DCDC2: variants seen among roughly 807,000 people sequenced by gnomAD.
DCDC2 encodes doublecortin domain-containing protein 2.
DCDC2 carries 40 observed loss-of-function variants against 50.2 expected under a neutral mutation model. That is an observed-to-expected ratio of 0.80 (90% confidence interval 0.62 to 1.04). DCDC2 has a LOEUF of 1.04. Among genes scored for constraint, DCDC2 ranks in the 50% least tolerant of loss-of-function variants. The pLI is 0.00. For synonymous variants in DCDC2, 234 were observed against 210.6 expected (o/e 1.11, Z -0.96); for missense variants, 570 against 581.9 (o/e 0.98, Z 0.21).
intron 9 of DCDC2, among the ~76,000 whole-genome samples, chr6:24,176,966 A>C (rs1262491157): frequency 2.0e-5 from 3 of 152,244 alleles, no homozygotes; most frequent in Non-Finnish European, 4.4e-5. Flanking sequence ...TATTTATGGA[A>C]GATGGAAGGA....
chr6:24,349,474 A>T (rs1760324489), intron 2 of DCDC2, among the ~76,000 whole-genome samples: 1 of 152,210 alleles, frequency 6.6e-6, no homozygotes, highest in African/African-American at 2.4e-5. Context: ...GGTAGGGGCA[A>T]GAGTAAGTGC....
the DCDC2 span, among the ~76,000 whole-genome samples, chr6:24,371,065 CAGG>C: frequency 9.2e-5 from 14 of 152,106 alleles, no homozygotes; most frequent in South Asian, 2.1e-4. Flanking sequence ...CACCTGAGGT[CAGG>C]AGTTCAAGAC....
At chr6:24,271,604 C>A (rs1316405684) in intron 7 of DCDC2, among the ~76,000 whole-genome samples, 1 of 152,156 alleles carries the variant, frequency 6.6e-6, no homozygotes, top group Non-Finnish European at 1.5e-5. Context: ...CTGGCCTACA[C>A]CAGTAATTCA....
chr6:24,234,888 A>C (rs1762410649), intron 7 of DCDC2, among the ~76,000 whole-genome samples: 1 of 152,166 alleles, frequency 6.6e-6, no homozygotes, highest in Non-Finnish European at 1.5e-5. Flanking sequence ...TACCACATAG[A>C]TAGCACACTT....
chr6:24,357,696 C>T lies in DCDC2; in HGVS notation c.55G>A (p.Val19Met), dbSNP rs1350223684. The change falls in exon 1 of 10, where the codon GTG becomes ATG. Residue 19 changes from valine (V) to methionine (M), a missense_variant. Transcript: ENST00000378454. Reference protein sequence around the residue: ...SHLSQPVVKSVLVYRNGDPFY... With the variant: ...SHLSQPVVKSMLVYRNGDPFY... ...GGGTCCCCGTTGCGGTACACAAGCA[C>T]GCTCTTCACGACGGGCTGAGACAGG... The T allele has an allele frequency of 1.2e-6, 2 of 1,613,282 alleles. No individual in the cohort carries two copies. Among genetic ancestry groups the T allele is most frequent in the Non-Finnish European group, 1.7e-6 (2 of 1,180,016 alleles).
intron 2 of DCDC2, among the ~76,000 whole-genome samples, chr6:24,351,623 C>G (rs1561784792): frequency 1.3e-5 from 2 of 152,254 alleles, no homozygotes; most frequent in East Asian, 3.9e-4. Context: ...GAAAGAGATG[C>G]AGTCTTTCAT....
chr6:24,298,724 C>T (rs1236479045), intron 4 of DCDC2, among the ~76,000 whole-genome samples: 1 of 152,106 alleles, frequency 6.6e-6, no homozygotes, highest in Non-Finnish European at 1.5e-5. Context: ...ACTATTTTCA[C>T]GCAACATGAG....
At chr6:24,378,254 C>T in the DCDC2 span, among the ~76,000 whole-genome samples, 1 of 152,192 alleles carries the variant, frequency 6.6e-6, no homozygotes, top group Non-Finnish European at 1.5e-5. Flanking sequence ...GGCTTCCATT[C>T]GGCACTTGTG....
chr6:24,288,252 C>T (rs75712511), intron 6 of DCDC2, among the ~76,000 whole-genome samples: 9,921 of 152,252 alleles, frequency 0.065, 546 homozygotes, highest in African/African-American at 0.16. Context: ...GCCAAGGCAA[C>T]GCTCTGGCAT....
chr6:24,264,324 A>C (rs932888720), intron 7 of DCDC2, among the ~76,000 whole-genome samples: 3 of 152,224 alleles, frequency 2.0e-5, no homozygotes, highest in African/African-American at 7.2e-5. Context: ...TAAGTAGGCA[A>C]ACACAGAATA....
Position 24,357,866 on chromosome 6 carries a change from T to C in DCDC2, c.-116A>G. 6.3e-7 allele frequency: 1 copy of C among 1,581,426 alleles called. No individual in the cohort carries two copies. The highest frequency in any genetic ancestry group is 1.3e-5 in the African/African-American group (1 of 74,282). On this transcript the variant is annotated 5_prime_UTR_variant, in exon 1 of 10. Coordinates refer to ENST00000378454, the MANE Select transcript of DCDC2 (RefSeq NM_016356.5). ...TCGCCTCCTGAAACGAACGAGAAAC[T>C]GACGAATCCACAGGTGAAAGAGAAG... is the stretch of plus-strand genomic sequence containing the variant.
chr6:24,185,688 TACACACACACACAC>T (rs35379687), intron 8 of DCDC2, among the ~76,000 whole-genome samples: 9,912 of 144,458 alleles, frequency 0.069, 409 homozygotes, highest in Middle Eastern at 0.12. Context: ...TCCATACACA[TACACACACACACAC>T]ACACACACAC....
chr6:24,332,623 C>A (rs143518736), intron 2 of DCDC2, among the ~76,000 whole-genome samples: 12 of 152,132 alleles, frequency 7.9e-5, no homozygotes, highest in Non-Finnish European at 1.0e-4. Flanking sequence ...CATAGTTTTA[C>A]GGTACTAAGT....
upstream of DCDC2, among the ~76,000 whole-genome samples, chr6:24,359,361 A>ATATTATATATATT (rs1561789507): frequency 1.2e-4 from 4 of 34,102 alleles, no homozygotes; most frequent in Non-Finnish European, 1.8e-4. Context: ...TTTTATGTAT[A>ATATTATATATATT]TTATATATTA....
chr6:24,315,293 G>A (rs945505965), intron 2 of DCDC2, among the ~76,000 whole-genome samples: 1 of 151,620 alleles, frequency 6.6e-6, no homozygotes, highest in African/African-American at 2.4e-5. Flanking sequence ...GTCCACACCA[G>A]CCACCAGCCT....
Position 24,319,889 on chromosome 6 carries a change from T to C in DCDC2, c.349-17845A>G, listed in dbSNP as rs1370889394. 3.1e-4 allele frequency among the ~76,000 whole-genome samples: 47 copies of C among 152,240 alleles called. 1 individual carries two copies. The highest frequency in any genetic ancestry group is 5.9e-5 in the Non-Finnish European group (4 of 68,010). ...TATATTTTGTATAGCTTATGACTTT[T>C]AGGACCATGGCAAATAATTAAAACC... On this transcript the variant is annotated intron_variant, in intron 2 of 9. Coordinates refer to ENST00000378454, the MANE Select transcript of DCDC2 (RefSeq NM_016356.5).
chr6:24,310,742 C>T (rs1461399565), intron 2 of DCDC2, among the ~76,000 whole-genome samples: 1 of 152,180 alleles, frequency 6.6e-6, no homozygotes, highest in African/African-American at 2.4e-5. Flanking sequence ...CCTAAACAGT[C>T]ATCAAGTCAG....
chr6:24,219,221 A>AT (rs1282883817), intron 7 of DCDC2, among the ~76,000 whole-genome samples: 3 of 152,276 alleles, frequency 2.0e-5, no homozygotes, highest in Admixed American at 1.3e-4. Flanking sequence ...GTCAAGAAAC[A>AT]TTTTTTTATT....
chr6:24,360,232 G>T (rs777027807), upstream of DCDC2, among the ~76,000 whole-genome samples: 29 of 152,256 alleles, frequency 1.9e-4, no homozygotes, highest in Non-Finnish European at 4.0e-4. Flanking sequence ...GGATATGCTG[G>T]CTGCGTGGGG....
Sources: gnomAD v4.1 joint callset for allele counts (sites outside exome capture counted in the v4.1 genomes callset) on GRCh38, gnomAD v4.1.1 for gene constraint, MANE v1.5 for transcripts, NCBI Gene and HGNC (gene_info 2026-07-23, HGNC 2026-07-21) for gene names.